Variants in IL1RAPL1 observed in about 807,000 individuals in gnomAD.
IL1RAPL1 encodes interleukin 1 receptor accessory protein like 1.
Under a neutral mutation model 48.4 loss-of-function variants are expected in IL1RAPL1, and 3 were observed. The ratio of observed to expected loss-of-function variants is 0.06; its 90% confidence interval spans 0.03 to 0.16. The LOEUF is 0.16. Ranked by LOEUF, IL1RAPL1 falls within the 10% of genes least tolerant of loss-of-function variation. IL1RAPL1 has a pLI of 1.00. For missense variants in IL1RAPL1, 349 were observed against 530.6 expected (o/e 0.66, Z 3.36); for synonymous variants, 185 against 187.7 (o/e 0.99, Z 0.12).
intron 3 of IL1RAPL1, among the ~76,000 whole-genome samples, chrX:29,301,062 C>T (rs762755717): frequency 8.9e-6 from 1 of 111,748 alleles, no homozygotes; most frequent in Non-Finnish European, 1.9e-5. Context: ...AAAGTCAAGC[C>T]ATGAAATTTT....
At chrX:29,341,739 G>T (rs1933078106) in intron 3 of IL1RAPL1, among the ~76,000 whole-genome samples, 1 of 111,382 alleles carries the variant, frequency 9.0e-6, no homozygotes, top group African/African-American at 3.3e-5. Context: ...GCAACCTTAG[G>T]ATTGAAAATA....
chrX:28,725,201 C>T (rs965096462), intron 1 of IL1RAPL1, among the ~76,000 whole-genome samples: 6 of 110,562 alleles, frequency 5.4e-5, no homozygotes, highest in Admixed American at 2.9e-4. Context: ...CCACCTGTCT[C>T]GGCCTCCCAA....
intron 5 of IL1RAPL1, among the ~76,000 whole-genome samples, chrX:29,594,297 C>T (rs1342387869): frequency 1.8e-5 from 2 of 111,623 alleles, no homozygotes; most frequent in Non-Finnish European, 3.8e-5. Flanking sequence ...GAACAAGAAT[C>T]GAAGCTATAA....
chrX:29,339,863 C>G (rs771151739), intron 3 of IL1RAPL1, among the ~76,000 whole-genome samples: 3 of 111,917 alleles, frequency 2.7e-5, no homozygotes, highest in Non-Finnish European at 5.6e-5. Flanking sequence ...AGGACCCTGA[C>G]AGTTTTGAAG....
intron 1 of IL1RAPL1, among the ~76,000 whole-genome samples, chrX:28,590,482 T>C (rs983142616): frequency 9.0e-6 from 1 of 111,468 alleles, no homozygotes; most frequent in Non-Finnish European, 1.9e-5. Context: ...TTCTAAGGTC[T>C]GATATTTGAG....
chrX:29,217,554 C>T (rs1316665032), intron 2 of IL1RAPL1, among the ~76,000 whole-genome samples: 2 of 111,317 alleles, frequency 1.8e-5, no homozygotes, highest in Non-Finnish European at 3.8e-5. Context: ...TGGTGAGGCA[C>T]CTTGTGCATT....
At chrX:28,624,919 A>G (rs910670400) in intron 1 of IL1RAPL1, among the ~76,000 whole-genome samples, 2 of 111,947 alleles carry the variant, frequency 1.8e-5, no homozygotes, top group African/African-American at 6.5e-5. Context: ...TTATGTCACC[A>G]TAAGTGAATT....
At chrX:29,442,200 A>G (rs766589965) in intron 5 of IL1RAPL1, among the ~76,000 whole-genome samples, 1 of 112,227 alleles carries the variant, frequency 8.9e-6, no homozygotes, top group African/African-American at 3.2e-5. Flanking sequence ...TGGTGCTGGT[A>G]CAAAAATAGG....
intron 1 of IL1RAPL1, among the ~76,000 whole-genome samples, chrX:28,737,614 T>C (rs1338679558): frequency 1.8e-5 from 2 of 111,826 alleles, no homozygotes; most frequent in African/African-American, 3.2e-5. Flanking sequence ...GAGCAAACAA[T>C]AGAAAAGTAA....
chrX:29,469,302 A>G (rs930937507), intron 5 of IL1RAPL1, among the ~76,000 whole-genome samples: 2 of 112,137 alleles, frequency 1.8e-5, no homozygotes, highest in Non-Finnish European at 3.8e-5. Flanking sequence ...TGCATCATCA[A>G]TTTGACTTTG....
intron 2 of IL1RAPL1, among the ~76,000 whole-genome samples, chrX:28,959,384 G>T (rs747968224): frequency 1.8e-5 from 2 of 111,232 alleles, no homozygotes; most frequent in Non-Finnish European, 3.8e-5. Context: ...TTGGAATGTA[G>T]TTAATAATTT....
At chrX:28,719,766 A>G (rs1445518840) in intron 1 of IL1RAPL1, among the ~76,000 whole-genome samples, 2 of 111,209 alleles carry the variant, frequency 1.8e-5, no homozygotes, top group Non-Finnish European at 3.8e-5. Context: ...GAAAGGTGTT[A>G]CATCTTGTTG....
chrX:29,294,486 C>T (rs1932419867), intron 3 of IL1RAPL1, among the ~76,000 whole-genome samples: 1 of 104,711 alleles, frequency 9.6e-6, no homozygotes, highest in African/African-American at 3.5e-5. Context: ...CACTGCACTC[C>T]AGCCTGGGTG....
chrX:28,892,412 G>A (rs981879063), intron 2 of IL1RAPL1, among the ~76,000 whole-genome samples: 1 of 110,342 alleles, frequency 9.1e-6, no homozygotes, highest in Non-Finnish European at 1.9e-5. Flanking sequence ...GCAAGGACCG[G>A]CCATTTTCAC....
At chrX:28,778,469 C>T (rs983979237) in intron 1 of IL1RAPL1, among the ~76,000 whole-genome samples, 1 of 111,873 alleles carries the variant, frequency 8.9e-6, no homozygotes, top group Admixed American at 9.5e-5. Context: ...TTGCCTCATC[C>T]AATCTGCTGA....
At chrX:29,555,536 A>G (rs752149800) in intron 5 of IL1RAPL1, among the ~76,000 whole-genome samples, 1 of 112,094 alleles carries the variant, frequency 8.9e-6, no homozygotes, top group African/African-American at 3.2e-5. Flanking sequence ...TCATCTCTTG[A>G]AGAGATGGCT....
chrX:29,381,262 C>A (rs1356316834), intron 3 of IL1RAPL1, among the ~76,000 whole-genome samples: 1 of 108,070 alleles, frequency 9.3e-6, no homozygotes, highest in Admixed American at 1.0e-4. Flanking sequence ...AATGATGTTA[C>A]CAATAATGTA....
intron 3 of IL1RAPL1, among the ~76,000 whole-genome samples, chrX:29,378,111 A>G: frequency 9.2e-6 from 1 of 109,092 alleles, no homozygotes; most frequent in Non-Finnish European, 1.9e-5. Context: ...AGTTGATTCA[A>G]AGAACAAGTC....
chrX:28,968,498 T>G (rs1924976238), intron 2 of IL1RAPL1, among the ~76,000 whole-genome samples: 1 of 111,586 alleles, frequency 9.0e-6, no homozygotes, highest in Admixed American at 9.6e-5. Flanking sequence ...AAGCGCAAAG[T>G]GGAATAATAA....
Sources: gnomAD v4.1 joint callset for allele counts (sites outside exome capture counted in the v4.1 genomes callset) on GRCh38, gnomAD v4.1.1 for gene constraint, MANE v1.5 for transcripts, NCBI Gene and HGNC (gene_info 2026-07-23, HGNC 2026-07-21) for gene names.